Variants in ZNF536 observed in about 807,000 individuals in gnomAD.
ZNF536 encodes zinc finger protein 536.
A neutral mutation model predicts 84.5 loss-of-function variants in ZNF536; 13 were observed. That is an observed-to-expected ratio of 0.15 (90% CI 0.10 to 0.24). ZNF536 has a LOEUF of 0.24. ZNF536 is among the 10% of genes least tolerant of loss of function. The pLI, the probability that ZNF536 is intolerant of heterozygous loss-of-function variation, is 1.00. For synonymous variants in ZNF536, 811 were observed against 742.5 expected (o/e 1.09, Z -1.50); for missense variants, 1,536 against 1,747.5 (o/e 0.88, Z 2.16).
Position 30,549,251 on chromosome 19 carries a change from C to G in ZNF536, c.3632C>G (p.Pro1211Arg), listed in dbSNP as rs1241030277. ...AGCGATGGCGGGGACAGCCTGCAGC[C>G]CACAGGCACCTCCCAGCCCGTCCAG... is the stretch of plus-strand genomic sequence containing the variant. Reference protein sequence around the residue: ...SSSDGGDSLQPTGTSQPVQGL... With the variant: ...SSSDGGDSLQRTGTSQPVQGL... Residue 1211 changes from proline to arginine, a missense_variant, in exon 4 of 5, where the codon CCC (proline) becomes CGC (arginine). Pro to Arg is a moderately radical substitution (Grantham distance 103, BLOSUM62 -2). Coordinates refer to ENST00000355537, the MANE Select transcript of ZNF536 (RefSeq NM_014717.3). 2 of 1,613,962 alleles carry G rather than the reference C, an allele frequency of 1.2e-6. No homozygotes were observed. Among genetic ancestry groups the G allele is most frequent in the Admixed American group, 3.3e-5 (2 of 60,032 alleles).
chr19:30,238,562 A>G (rs1351300131), intron 1 of ZNF536, among the ~76,000 whole-genome samples: 1 of 152,046 alleles, frequency 6.6e-6, no homozygotes, highest in Non-Finnish European at 1.5e-5. Context: ...CCCTACAGCC[A>G]AAGCTAAAGA....
At chr19:30,285,037 G>T (rs1308630800) in intron 2 of ZNF536, among the ~76,000 whole-genome samples, 1 of 152,066 alleles carries the variant, frequency 6.6e-6, no homozygotes, top group African/African-American at 2.4e-5. Context: ...TCACACAATG[G>T]GTAATTTATA....
At chr19:30,428,322 CT>C (rs1193485638) in intron 1 of ZNF536, among the ~76,000 whole-genome samples, 1 of 152,176 alleles carries the variant, frequency 6.6e-6, no homozygotes, top group Non-Finnish European at 1.5e-5. Context: ...GCTTCAAGTA[CT>C]TCCTAGCAGT....
At chr19:30,336,223 A>G (rs1417318462) in intron 2 of ZNF536, among the ~76,000 whole-genome samples, 1 of 152,182 alleles carries the variant, frequency 6.6e-6, no homozygotes, top group African/African-American at 2.4e-5. Flanking sequence ...GATCTATTAC[A>G]TATTTACTGG....
At chr19:30,254,044 C>T (rs1410515604) in intron 1 of ZNF536, among the ~76,000 whole-genome samples, 1 of 152,050 alleles carries the variant, frequency 6.6e-6, no homozygotes, top group Non-Finnish European at 1.5e-5. Context: ...GGGTGTGGGC[C>T]GTGTCACTAT....
chr19:30,628,934 A>G (rs974119814), intron 1 of ZNF536, among the ~76,000 whole-genome samples: 2 of 152,076 alleles, frequency 1.3e-5, no homozygotes, highest in Non-Finnish European at 1.5e-5. Flanking sequence ...TGAACTCCTC[A>G]CCTTGTGATC....
intron 1 of ZNF536, among the ~76,000 whole-genome samples, chr19:30,424,549 C>T (rs2147893106): frequency 6.6e-6 from 1 of 152,158 alleles, no homozygotes; most frequent in East Asian, 1.9e-4. Context: ...GAGAGACATT[C>T]CTGGGACAGG....
At chr19:30,352,525 A>C (rs2047963951) in intron 3 of ZNF536, 1 of 152,252 alleles carries the variant, frequency 6.6e-6, no homozygotes, top group African/African-American at 2.4e-5. Flanking sequence ...CTTCCCAGAC[A>C]TACCTCATTT....
intron 4 of ZNF536, chr19:30,555,220 G>A (rs2045922996): frequency 6.6e-6 from 1 of 152,228 alleles, no homozygotes; most frequent in African/African-American, 2.4e-5. Flanking sequence ...AGGAAGCGTA[G>A]GGATGAAATA....
intron 1 of ZNF536, among the ~76,000 whole-genome samples, chr19:30,427,508 A>C (rs2051267634): frequency 6.6e-6 from 1 of 152,150 alleles, no homozygotes; most frequent in Non-Finnish European, 1.5e-5. Context: ...GGCATTGGGC[A>C]TGGAGCACCA....
chr19:30,621,448 C>A (rs1374284405), intron 1 of ZNF536, among the ~76,000 whole-genome samples: 2 of 152,022 alleles, frequency 1.3e-5, no homozygotes, highest in Non-Finnish European at 2.9e-5. Context: ...AGTGGGGGGA[C>A]TCAGAGGCTG....
chr19:30,283,241 T>C (rs1433192654), intron 1 of ZNF536, among the ~76,000 whole-genome samples: 1 of 152,210 alleles, frequency 6.6e-6, no homozygotes, highest in African/African-American at 2.4e-5. Context: ...ATCCCTTCCG[T>C]GACATGGCAA....
At chr19:30,516,043 G>GA (rs1239178671) in intron 2 of ZNF536, among the ~76,000 whole-genome samples, 3 of 131,528 alleles carry the variant, frequency 2.3e-5, no homozygotes, top group East Asian at 2.1e-4. Context: ...AAAAAAAAAA[G>GA]AAAAAAAAGC....
At chr19:30,417,239 C>T (rs545668130) in intron 1 of ZNF536, among the ~76,000 whole-genome samples, 17 of 148,314 alleles carry the variant, frequency 1.1e-4, no homozygotes, top group African/African-American at 4.0e-4. Flanking sequence ...TCAGGTGATC[C>T]GCCTGCCTTG....
chr19:30,528,714 C>A (rs142666500), intron 2 of ZNF536, among the ~76,000 whole-genome samples: 3 of 152,260 alleles, frequency 2.0e-5, no homozygotes, highest in Admixed American at 2.0e-4. Flanking sequence ...GAGGTGCAGG[C>A]ACACTCTGTC....
chr19:30,247,722 G>A (rs943762519), intron 1 of ZNF536, among the ~76,000 whole-genome samples: 1 of 152,154 alleles, frequency 6.6e-6, no homozygotes, highest in African/African-American at 2.4e-5. Flanking sequence ...CCAGCTACTT[G>A]GGAGACTGAG....
intron 1 of ZNF536, among the ~76,000 whole-genome samples, chr19:30,664,261 T>TCTCTCC (rs2050239037): frequency 1.7e-5 from 2 of 115,232 alleles, no homozygotes; most frequent in Non-Finnish European, 3.8e-5. Flanking sequence ...TCTCTCTCTC[T>TCTCTCC]CCCTCTCCCT....
At chr19:30,701,039 G>A (rs977017717) in intron 1 of ZNF536, among the ~76,000 whole-genome samples, 3 of 152,180 alleles carry the variant, frequency 2.0e-5, no homozygotes, top group Non-Finnish European at 4.4e-5. Flanking sequence ...CAATGGCACT[G>A]TCAAACGTGG....
In ZNF536 at chr19:30,298,270, C is replaced by T. The variant is rs16964072; in HGVS notation, c.-120+14129C>T. ...TAATTCCAGGTGCCCATTAGAAATT[C>T]AAGATGTATCACCACATACTCTGAC... On this transcript the variant is annotated intron_variant, in intron 2 of 5. Transcript: ENST00000585628. 9.6e-3 allele frequency among the ~76,000 whole-genome samples: 1,463 copies of T among 152,266 alleles called. 28 individuals are homozygous for T. Among genetic ancestry groups the T allele is most frequent in the African/African-American group, 0.034 (1,397 of 41,546 alleles).
Sources: allele counts gnomAD v4.1 joint callset (sites outside exome capture counted in the v4.1 genomes callset), GRCh38; gene constraint gnomAD v4.1.1; transcripts MANE v1.5; gene names NCBI Gene and HGNC (gene_info 2026-07-23, HGNC 2026-07-21).